Variants in ICE2 observed in about 807,000 individuals in gnomAD.
The protein encoded by ICE2 is interactor of little elongation complex ELL subunit 2.
ICE2 carries 87 observed loss-of-function variants against 105.4 expected under a neutral mutation model. The ratio of observed to expected loss-of-function variants is 0.83; its 90% CI spans 0.69 to 0.99. The LOEUF is 0.99. Ranked by LOEUF, ICE2 falls within the 50% of genes least tolerant of loss-of-function variation. The probability of loss-of-function intolerance (pLI) is 0.00; values close to 1 mark genes in which losing one functional copy is unlikely to be tolerated. For missense variants in ICE2, 1,323 were observed against 1,146.7 expected, an observed-to-expected ratio of 1.15 and a Z score of -2.22; for synonymous variants, 399 against 392.0, an observed-to-expected ratio of 1.02 and a Z score of -0.21.
In ICE2 at chr15:60,453,671, T is replaced by C. The variant is rs1332815113; in HGVS notation, c.1057A>G (p.Lys353Glu). 1.2e-6 allele frequency: 2 copies of C among 1,613,732 alleles called. No individual in the cohort carries two copies. The highest frequency in any genetic ancestry group is 1.3e-5 in the African/African-American group (1 of 75,050). The stretch of plus-strand genomic sequence containing the variant: ...GCAGAGACTGGAACAGATGTGTTTT[T>C]GGACATCATAAATTTTAATGGAACT... ...HEVPLKFMMS[K>E]NTSVPVSAVF... Residue 353 changes from lysine (K) to glutamate (E), a missense_variant, in exon 9 of 16, where the codon AAA becomes GAA. Physicochemically the swap from Lys to Glu is moderately conservative, Grantham distance 56 (BLOSUM62 1). Coordinates refer to ENST00000261520, the MANE Select transcript of ICE2 (RefSeq NM_024611.6).
intron 5 of ICE2, among the ~76,000 whole-genome samples, chr15:60,466,037 C>T (rs945112564): frequency 3.3e-5 from 5 of 152,126 alleles, no homozygotes; most frequent in African/African-American, 7.2e-5. Flanking sequence ...GAGGTGTGAG[C>T]CACCACGCCT....
chr15:60,450,270 G>A (rs762529978), intron 9 of ICE2, among the ~76,000 whole-genome samples: 4 of 152,146 alleles, frequency 2.6e-5, no homozygotes, highest in East Asian at 1.9e-4. Flanking sequence ...CTGTGAGGAC[G>A]CTGCTTTTTA....
intron 7 of ICE2, 62 bp from the exon 8 acceptor site, chr15:60,455,224 A>C: frequency 2.0e-6 from 3 of 1,534,182 alleles, no homozygotes; most frequent in Non-Finnish European, 2.6e-6. Flanking sequence ...TCAATAAAGA[A>C]CAAAAAAAGT....
intron 5 of ICE2, among the ~76,000 whole-genome samples, chr15:60,465,792 CT>C (rs1183550333): frequency 6.7e-6 from 1 of 148,532 alleles, no homozygotes; most frequent in African/African-American, 2.5e-5. Context: ...GCTCTGTCAC[CT>C]AGGCTGGACT....
chr15:60,469,968 C>G (rs891211291), intron 3 of ICE2, among the ~76,000 whole-genome samples: 5 of 152,186 alleles, frequency 3.3e-5, no homozygotes, highest in African/African-American at 1.2e-4. Context: ...ACTTCTTGGC[C>G]TGTACACTAT....
chr15:60,428,372 T>C, intron 15 of ICE2, 57 bp downstream of exon 15: 5 of 1,537,428 alleles, frequency 3.3e-6, no homozygotes, highest in Non-Finnish European at 4.4e-6. Flanking sequence ...GTAAAGTCAG[T>C]GAAATAGACG....
At chr15:60,424,133 T>C (rs902530712) in intron 15 of ICE2, among the ~76,000 whole-genome samples, 10 of 151,094 alleles carry the variant, frequency 6.6e-5, no homozygotes, top group Non-Finnish European at 1.0e-4. Flanking sequence ...GAAGGAGTAA[T>C]AGGGAGGGAG....
intron 3 of ICE2, among the ~76,000 whole-genome samples, chr15:60,473,927 T>A (rs921193602): frequency 6.6e-6 from 1 of 151,944 alleles, no homozygotes; most frequent in Non-Finnish European, 1.5e-5. Flanking sequence ...CTTTTTTTTG[T>A]AGACAGGATC....
intron 6 of ICE2, 24 bp downstream of exon 6, chr15:60,456,633 A>G (rs767127193): frequency 1.1e-5 from 16 of 1,512,710 alleles, no homozygotes; most frequent in Admixed American, 2.0e-5. Flanking sequence ...AAAAAAGCTT[A>G]TATCGTCTGA....
Position 60,449,416 on chromosome 15 carries a change from T to C in ICE2, c.1551A>G (p.Glu517=). 1 of 1,613,848 alleles carries C rather than the reference T, an allele frequency of 6.2e-7. No individual in the cohort carries two copies. The highest frequency in any genetic ancestry group is 8.5e-7 in the Non-Finnish European group (1 of 1,179,922). ...TAGAAGTTTCAATTTCCTGAGAATT[T>C]TCTAACTGTAAGGCATCAGATGTTT... The part of the protein sequence containing the change: ...DLKTSDALQL[E]NSQEIETSNK... Residue 517 remains glutamate, a synonymous_variant, in exon 10 of 16, where the codon GAA becomes GAG. Coordinates refer to ENST00000261520, the MANE Select transcript of ICE2 (RefSeq NM_024611.6).
At chr15:60,452,874 TC>T in intron 9 of ICE2, 1 of 985,414 alleles carries the variant, frequency 1.0e-6, no homozygotes, top group Non-Finnish European at 1.2e-6. Context: ...AGATTAACAA[TC>T]TGGCAAAATA....
At position 60,436,201 on chromosome 15, in the gene ICE2, G is replaced by A; in HGVS notation, c.2452C>T (p.Leu818Phe). 6.9e-7 allele frequency: 1 copy of A among 1,446,554 alleles called. No homozygotes were observed. The highest frequency in any genetic ancestry group is 9.3e-7 in the Non-Finnish European group (1 of 1,075,754). The allele number at this position is 1,446,554 out of a possible 1,614,324, so 89.6% of individuals were successfully genotyped here. A position where few individuals can be genotyped will look rare whatever the true frequency, so the allele number is the denominator to read the frequency against. Residue 818 changes from leucine (L) to phenylalanine (F), a missense_variant, in exon 13 of 16, where the codon CTT (leucine) becomes TTT (phenylalanine). Coordinates refer to ENST00000261520, the MANE Select transcript of ICE2 (RefSeq NM_024611.6). ...VGHIDAFTSK[L>F]FLLEEITSEE... ...GAGGTAATTTCTTCCAGTAGAAAAA[G>A]TTTTGAAGTAAATGCATCGATATGC...
Position 60,430,447 on chromosome 15 carries a change from T to A in ICE2, c.2561+1487A>T, listed in dbSNP as rs569165903. Among the ~76,000 whole-genome samples the A allele has an allele frequency of 1.5e-4, 15 of 98,842 alleles. 1 individual carries two copies. In the Admixed American group the frequency reaches 1.7e-3, roughly 11 times the overall value. 64.8% of individuals were successfully genotyped at this position (98,842 alleles called of 152,430 possible). ...ATAATAAATTTGTGTTGTTTTATAATCTTAATTTGTTACAGCCACAATATA... is the reference window on the plus strand; with the variant it reads ...ATAATAAATTTGTGTTGTTTTATAAACTTAATTTGTTACAGCCACAATATA... On this transcript the variant is annotated intron_variant, in intron 14 of 15. Transcript: ENST00000261520.
intron 13 of ICE2, among the ~76,000 whole-genome samples, chr15:60,433,314 C>T (rs1186273657): frequency 2.0e-5 from 3 of 151,826 alleles, no homozygotes; most frequent in Non-Finnish European, 4.4e-5. Context: ...GTCTCATCTC[C>T]TGACCTCATG....
Position 60,456,556 on chromosome 15 carries a change from T to TAAA in ICE2, c.666+98_666+100dup, listed in dbSNP as rs1208111781. The TAAA allele has an allele frequency of 3.6e-3, 299 of 83,912 alleles. 9 individuals carry two copies. Among genetic ancestry groups the TAAA allele is most frequent in the African/African-American group, 0.011 (275 of 25,160 alleles). The allele number at this position is 83,912 out of a possible 1,614,324, so 5.2% of individuals were successfully genotyped here. A position where few individuals can be genotyped will look rare whatever the true frequency, so the allele number is the denominator to read the frequency against. On this transcript the variant is annotated intron_variant, in intron 6 of 15. Coordinates refer to ENST00000261520, the MANE Select transcript of ICE2 (RefSeq NM_024611.6). ...CTCTGTCTCCAAAAAAAAAAATAAATAAATAAATAAATATATATATATATA... is the reference window on the plus strand; with the variant it reads ...CTCTGTCTCCAAAAAAAAAAATAAATAAAAAATAAATAAATATATATATATATA...
chr15:60,472,581 A>C (rs1199564855), intron 3 of ICE2, among the ~76,000 whole-genome samples: 1 of 152,216 alleles, frequency 6.6e-6, no homozygotes, highest in Non-Finnish European at 1.5e-5. Context: ...CTAAGAAAAA[A>C]ATATTTTAGG....
Position 60,421,606 on chromosome 15 carries a change from C to T in ICE2, c.*2028G>A, listed in dbSNP as rs545015025. The T allele has an allele frequency of 1.3e-3, 194 of 152,276 alleles. No individual in the cohort carries two copies. Among genetic ancestry groups the T allele is most frequent in the African/African-American group, 4.5e-3 (186 of 41,554 alleles). 9.4% of individuals were successfully genotyped at this position (152,276 alleles called of 1,614,324 possible). A position where few individuals can be genotyped will look rare whatever the true frequency, so the allele number is the denominator to read the frequency against. On this transcript the variant is annotated 3_prime_UTR_variant, in exon 16 of 16. Coordinates refer to ENST00000261520, the MANE Select transcript of ICE2 (RefSeq NM_024611.6). The stretch of plus-strand genomic sequence containing the variant: ...GGTATTCAGAAGTCTGAAGCAACCA[C>T]TGTCCAGCTCTTTAAAAAGAGCACA...
chr15:60,436,626 A>G (rs1308752175), intron 12 of ICE2, among the ~76,000 whole-genome samples: 1 of 148,860 alleles, frequency 6.7e-6, no homozygotes, highest in Non-Finnish European at 1.5e-5. Context: ...GAGGCAGGAG[A>G]ATGGCGTTAA....
At chr15:60,438,230 T>C (rs2063639887) in intron 12 of ICE2, 1 of 152,208 alleles carries the variant, frequency 6.6e-6, no homozygotes. Context: ...ATATAAGACG[T>C]ATCAATGTTG....
Sources: allele counts gnomAD v4.1 joint callset (sites outside exome capture counted in the v4.1 genomes callset), GRCh38; gene constraint gnomAD v4.1.1; transcripts MANE v1.5; gene names NCBI Gene and HGNC (gene_info 2026-07-23, HGNC 2026-07-21).